PTPRN2: variants seen among roughly 807,000 people sequenced by gnomAD.
PTPRN2 encodes the protein protein tyrosine phosphatase receptor type N2, also known as receptor-type tyrosine-protein phosphatase N2.
Under a neutral mutation model 118.8 loss-of-function variants are expected in PTPRN2, and 74 were observed. That is an observed-to-expected ratio of 0.62 (90% CI 0.52 to 0.76). The LOEUF (loss-of-function observed/expected upper bound fraction) is 0.76, where lower values mean the gene tolerates loss of function less well. Ranked by LOEUF, PTPRN2 falls within the 30% of genes least tolerant of loss-of-function variation. PTPRN2 has a pLI of 0.00. For synonymous variants in PTPRN2, 641 were observed against 608.0 expected (o/e 1.05, Z -0.80); for missense variants, 1,481 against 1,394.4 (o/e 1.06, Z -0.99).
At position 158,282,346 on chromosome 7, in the gene PTPRN2, G is replaced by A. The variant is rs1404299426; in HGVS notation, c.277+34473C>T. On this transcript the variant is annotated intron_variant, in intron 3 of 22. Coordinates refer to ENST00000389418, the MANE Select transcript of PTPRN2 (RefSeq NM_002847.5). ...GTATTTTATTGTTAAACTCTATAATGAAGCAACTGTCTTTGACTACACAAT... is the reference window on the plus strand; with the variant it reads ...GTATTTTATTGTTAAACTCTATAATAAAGCAACTGTCTTTGACTACACAAT... Among the ~76,000 whole-genome samples the A allele has an allele frequency of 2.6e-5, 4 of 152,222 alleles. No homozygotes were observed. The East Asian group carries it at 7.7e-4, about 29-fold the overall frequency.
intron 12 of PTPRN2, among the ~76,000 whole-genome samples, chr7:157,725,118 G>A (rs191060492): frequency 2.0e-5 from 3 of 149,716 alleles, no homozygotes; most frequent in Non-Finnish European, 4.4e-5. Context: ...TCCTCAACAG[G>A]TGGTTCTGGG....
In PTPRN2 at chr7:158,075,591, C is replaced by T. The variant is rs146792653; in HGVS notation, c.1723+5707G>A. The stretch of plus-strand genomic sequence containing the variant: ...CAGCACCACCGGCCCACGCTTCCCA[C>T]GCCGCGCCCTCCACTTCTTCATCTT... On this transcript the variant is annotated intron_variant, in intron 11 of 22. Transcript: ENST00000389418. Among the ~76,000 whole-genome samples the T allele has an allele frequency of 5.9e-5, 9 of 152,330 alleles. No individual in the cohort carries two copies. The Middle Eastern group carries it at 0.01, about 173-fold the overall frequency.
intron 4 of PTPRN2, among the ~76,000 whole-genome samples, chr7:158,204,055 G>A (rs1259558779): frequency 6.7e-6 from 1 of 149,208 alleles, no homozygotes; most frequent in Non-Finnish European, 1.5e-5. Flanking sequence ...GAAAGACACG[G>A]CCCCTGCCCT....
chr7:157,893,172 C>A lies in PTPRN2; in HGVS notation c.1788+5501G>T, dbSNP rs1181195807. On this transcript the variant is annotated intron_variant, in intron 12 of 22. Coordinates refer to ENST00000389418, the MANE Select transcript of PTPRN2 (RefSeq NM_002847.5). This position sits in a 1 kb window ranked among gnomAD's most constrained non-coding sequence, Gnocchi z 4.0. ...GTCAGGGTGAATGAGCTCCTTGTGG[C>A]CAGATCGTAACCAGTGGGTGAAATA... 2.6e-5 allele frequency among the ~76,000 whole-genome samples: 4 copies of A among 152,188 alleles called. No homozygotes were observed. The highest frequency in any genetic ancestry group is 2.6e-4 in the Admixed American group (4 of 15,280).
At chr7:158,127,803 TG>T (rs1338147046) in intron 9 of PTPRN2, among the ~76,000 whole-genome samples, 3 of 152,228 alleles carry the variant, frequency 2.0e-5, no homozygotes, top group Non-Finnish European at 4.4e-5. Context: ...TCCCTATACC[TG>T]GTGTCCGTCC....
chr7:157,889,890 C>A (rs752716765), intron 12 of PTPRN2, among the ~76,000 whole-genome samples: 2 of 152,222 alleles, frequency 1.3e-5, no homozygotes, highest in Non-Finnish European at 2.9e-5. Flanking sequence ...ACCATCAACC[C>A]CATAAGAGCT....
At position 158,316,926 on chromosome 7, in the gene PTPRN2, A is replaced by G; in HGVS notation, c.170T>C (p.Val57Ala). 6.2e-7 allele frequency: 1 copy of G among 1,608,488 alleles called. No homozygotes were observed. The highest frequency in any genetic ancestry group is 1.7e-5 in the Admixed American group (1 of 59,134). Residue 57 changes from valine (V) to alanine (A), a missense_variant, in exon 3 of 23, where the codon GTG (valine) becomes GCG (alanine). Val to Ala is a moderately conservative substitution (Grantham distance 64). This residue lies in a region of PTPRN2 where 1,115 missense variants were observed against 994.2 expected (regional missense o/e 1.12). Coordinates refer to ENST00000389418, the MANE Select transcript of PTPRN2 (RefSeq NM_002847.5). The part of the protein sequence containing the change: ...GASEACVNDG[V>A]FGRCQKVPAM... ...CGGAACCTTCTGGCACCTTCCAAAC[A>G]CTCCATCTGTGAGAAGGGAAGGAGA...
At chr7:158,170,296 G>T (rs569494550) in intron 5 of PTPRN2, among the ~76,000 whole-genome samples, 12 of 152,282 alleles carry the variant, frequency 7.9e-5, no homozygotes, top group African/African-American at 2.9e-4. Context: ...CACCGTGCTG[G>T]GGGGTGGGGA....
intron 2 of PTPRN2, among the ~76,000 whole-genome samples, chr7:158,388,481 A>G (rs1811675570): frequency 6.6e-6 from 1 of 152,204 alleles, no homozygotes; most frequent in African/African-American, 2.4e-5. Flanking sequence ...GCTCTTATAA[A>G]GGACACAGCT....
At chr7:158,031,638 C>T (rs774294998) in intron 11 of PTPRN2, among the ~76,000 whole-genome samples, 2 of 152,064 alleles carry the variant, frequency 1.3e-5, no homozygotes, top group Non-Finnish European at 2.9e-5. Flanking sequence ...AAATGGAGGG[C>T]AAGCAGAGGA....
chr7:158,076,002 AG>A (rs1312421121), intron 11 of PTPRN2, among the ~76,000 whole-genome samples: 1 of 152,240 alleles, frequency 6.6e-6, no homozygotes, highest in Admixed American at 6.5e-5. Flanking sequence ...GGTCTGGCGA[AG>A]GGGAGCGCTG....
chr7:157,749,452 C>T (rs1278621526), intron 12 of PTPRN2, among the ~76,000 whole-genome samples: 1 of 143,340 alleles, frequency 7.0e-6, no homozygotes, highest in East Asian at 2.1e-4. Context: ...TGAGGTGATT[C>T]TGTGGCCTGT....
At chr7:158,487,607 AGAGT>A (rs1387152469) in intron 2 of PTPRN2, among the ~76,000 whole-genome samples, 1 of 152,098 alleles carries the variant, frequency 6.6e-6, no homozygotes, top group Non-Finnish European at 1.5e-5. Context: ...GGAAAGAGAG[AGAGT>A]GAGCCAGAGG....
chr7:158,387,179 C>T (rs1182604347), intron 2 of PTPRN2, among the ~76,000 whole-genome samples: 4 of 152,224 alleles, frequency 2.6e-5, no homozygotes, highest in Non-Finnish European at 4.4e-5. Context: ...CTTCAACCAG[C>T]GGCTGCCCTG....
At chr7:158,103,967 A>G (rs906204190) in intron 10 of PTPRN2, among the ~76,000 whole-genome samples, 2 of 152,066 alleles carry the variant, frequency 1.3e-5, no homozygotes, top group African/African-American at 2.4e-5. Flanking sequence ...GGTTCAAGCA[A>G]TTCTCTGCCT....
chr7:158,452,588 G>T (rs575809298), intron 2 of PTPRN2, among the ~76,000 whole-genome samples: 5 of 152,192 alleles, frequency 3.3e-5, no homozygotes, highest in Admixed American at 1.3e-4. Context: ...ACAGACTGTG[G>T]CATCTCAAGG....
At chr7:158,120,544 C>G (rs1304357759) in intron 9 of PTPRN2, among the ~76,000 whole-genome samples, 2 of 152,218 alleles carry the variant, frequency 1.3e-5, no homozygotes, top group African/African-American at 4.8e-5. Flanking sequence ...AAGCTCCTTT[C>G]TGCTCCCTGT....
At chr7:158,174,965 C>T (rs1325640621) in intron 5 of PTPRN2, among the ~76,000 whole-genome samples, 1 of 152,168 alleles carries the variant, frequency 6.6e-6, no homozygotes, top group Non-Finnish European at 1.5e-5. Flanking sequence ...TCCTGGAGAT[C>T]CACCCAGCCC....
chr7:157,890,658 A>C (rs1796746096), intron 12 of PTPRN2, among the ~76,000 whole-genome samples: 1 of 152,170 alleles, frequency 6.6e-6, no homozygotes, highest in African/African-American at 2.4e-5. Flanking sequence ...CAACAACAAA[A>C]TAATAGGACT....
Sources: allele counts gnomAD v4.1 joint callset (sites outside exome capture counted in the v4.1 genomes callset), GRCh38; gene constraint gnomAD v4.1.1; regional missense constraint gnomAD v4.1.1; non-coding constraint Gnocchi (gnomAD v3.1); transcripts MANE v1.5; gene names NCBI Gene and HGNC (gene_info 2026-07-23, HGNC 2026-07-21).